ROBO1: variants seen among roughly 807,000 people sequenced by gnomAD.
The protein encoded by ROBO1 is roundabout guidance receptor 1.
Under a neutral mutation model 195.9 loss-of-function variants are expected in ROBO1, and 149 were observed. The ratio of observed to expected loss-of-function variants is 0.76; its 90% CI spans 0.67 to 0.87. ROBO1 has a LOEUF of 0.87. Ranked by LOEUF, ROBO1 falls within the 40% of genes least tolerant of loss-of-function variation. The pLI is 0.00. For missense variants in ROBO1, 1,933 were observed against 2,068.3 expected (o/e 0.93, Z 1.27); for synonymous variants, 816 against 733.2 (o/e 1.11, Z -1.82).
At chr3:78,746,184 T>C (rs980357798) in intron 5 of ROBO1, among the ~76,000 whole-genome samples, 4 of 152,302 alleles carry the variant, frequency 2.6e-5, no homozygotes, top group African/African-American at 7.2e-5. Context: ...TATAATTTCT[T>C]ACATCAGAGC....
chr3:78,743,784 G>A (rs1358864792), intron 5 of ROBO1, among the ~76,000 whole-genome samples: 1 of 152,092 alleles, frequency 6.6e-6, no homozygotes. Context: ...AGCTTCCTTG[G>A]TTGCAGAGTG....
intron 2 of ROBO1, among the ~76,000 whole-genome samples, chr3:79,190,516 C>T (rs181911244): frequency 1.3e-3 from 198 of 151,660 alleles, no homozygotes; most frequent in Non-Finnish European, 2.1e-3. Flanking sequence ...TACTCTTACT[C>T]GTTTCTGATG....
At chr3:79,565,191 T>C (rs1444711432) in intron 2 of ROBO1, among the ~76,000 whole-genome samples, 1 of 152,096 alleles carries the variant, frequency 6.6e-6, no homozygotes, top group African/African-American at 2.4e-5. Context: ...TTTCCTTCTC[T>C]ACCAACAACA....
At chr3:79,184,479 C>T (rs1235106832) in intron 2 of ROBO1, among the ~76,000 whole-genome samples, 1 of 152,082 alleles carries the variant, frequency 6.6e-6, no homozygotes, top group East Asian at 1.9e-4. Flanking sequence ...AAAGCTTGTG[C>T]TTTAGAGAAG....
intron 3 of ROBO1, among the ~76,000 whole-genome samples, chr3:79,087,968 T>C (rs1030223908): frequency 1.3e-5 from 2 of 152,090 alleles, no homozygotes; most frequent in Non-Finnish European, 2.9e-5. Context: ...TTAAAACTTA[T>C]TTACTTCGAT....
Position 79,497,061 on chromosome 3 carries a change from A to C in ROBO1, c.88+92763T>G, listed in dbSNP as rs561161555. ...TAGATTTTTTTAAAGTGTAAATATT[A>C]AAGAATCTGAGGAGAAGCAGAAGGT... On this transcript the variant is annotated intron_variant, in intron 2 of 30. Coordinates refer to ENST00000464233, the MANE Select transcript of ROBO1 (RefSeq NM_002941.4). Among the ~76,000 whole-genome samples, 3 of 152,308 alleles carry C rather than the reference A, an allele frequency of 2.0e-5. No individual in the cohort carries two copies. The South Asian group carries it at 6.2e-4, about 32-fold the overall frequency.
chr3:79,422,164 AT>A (rs1379809352), intron 2 of ROBO1, among the ~76,000 whole-genome samples: 3 of 148,300 alleles, frequency 2.0e-5, no homozygotes, highest in African/African-American at 7.3e-5. Flanking sequence ...TATACAATAC[AT>A]ATCTTATGTA....
chr3:79,400,739 G>C (rs764465080), intron 2 of ROBO1, among the ~76,000 whole-genome samples: 1 of 151,800 alleles, frequency 6.6e-6, no homozygotes, highest in African/African-American at 2.4e-5. Context: ...GGCTCTATTT[G>C]TTCTTTTTAA....
chr3:79,456,588 CA>C, intron 2 of ROBO1, among the ~76,000 whole-genome samples: 1 of 152,154 alleles, frequency 6.6e-6, no homozygotes, highest in African/African-American at 2.4e-5. Context: ...ACAGTGATTA[CA>C]AAAAATACAG....
At position 78,714,617 on chromosome 3, in the gene ROBO1, T is replaced by A. The variant is rs2081854750; in HGVS notation, c.918-93A>T. ...ACAATGCTTCAAAGCACATGCTACA[T>A]TCTTTTCTGATAACTTAAAACAAAG... is the stretch of plus-strand genomic sequence containing the variant. On this transcript the variant is annotated intron_variant, in intron 7 of 30. Coordinates refer to ENST00000464233, the MANE Select transcript of ROBO1 (RefSeq NM_002941.4). 2.6e-6 allele frequency: 3 copies of A among 1,134,774 alleles called. No individual in the cohort carries two copies. The South Asian group carries it at 6.6e-5, about 25-fold the overall frequency. The allele number at this position is 1,134,774 out of a possible 1,614,324, so 70.3% of individuals were successfully genotyped here.
intron 1 of ROBO1, among the ~76,000 whole-genome samples, chr3:79,674,310 G>A (rs1033669501): frequency 6.6e-6 from 1 of 151,852 alleles, no homozygotes; most frequent in African/African-American, 2.4e-5. Flanking sequence ...TGAAGAACAC[G>A]TGGCTGTTCT....
At chr3:78,888,410 A>G (rs2036688700) in intron 4 of ROBO1, among the ~76,000 whole-genome samples, 1 of 152,204 alleles carries the variant, frequency 6.6e-6, no homozygotes, top group South Asian at 2.1e-4. Flanking sequence ...AGCTACTACA[A>G]CAAAGCTACT....
intron 3 of ROBO1, among the ~76,000 whole-genome samples, chr3:79,119,041 C>T (rs184352849): frequency 3.3e-5 from 5 of 152,140 alleles, no homozygotes; most frequent in East Asian, 1.9e-4. Flanking sequence ...GTTTTCCACA[C>T]GGAAAATATT....
chr3:78,677,302 A>G (rs865909298), intron 10 of ROBO1, among the ~76,000 whole-genome samples: 1,688 of 152,266 alleles, frequency 0.011, 15 homozygotes, highest in Non-Finnish European at 0.017. Flanking sequence ...CATAATGACA[A>G]GATCAAATTC....
intron 3 of ROBO1, among the ~76,000 whole-genome samples, chr3:79,050,287 A>C (rs963342849): frequency 6.6e-6 from 1 of 152,188 alleles, no homozygotes; most frequent in Non-Finnish European, 1.5e-5. Flanking sequence ...AACAAAGATC[A>C]AAAGAGACAA....
intron 8 of ROBO1, among the ~76,000 whole-genome samples, chr3:78,701,659 A>C (rs1396051546): frequency 1.3e-5 from 2 of 152,220 alleles, no homozygotes; most frequent in African/African-American, 2.4e-5. Context: ...AATGACCTAA[A>C]AGGCACTGTG....
chr3:79,631,015 G>A (rs1469140746), intron 1 of ROBO1, among the ~76,000 whole-genome samples: 1 of 151,644 alleles, frequency 6.6e-6, no homozygotes, highest in East Asian at 1.9e-4. Flanking sequence ...TTTACTGATT[G>A]GAATAATCAA....
intron 1 of ROBO1, among the ~76,000 whole-genome samples, chr3:79,701,266 C>T (rs1947614663): frequency 6.6e-6 from 1 of 151,634 alleles, no homozygotes; most frequent in Non-Finnish European, 1.5e-5. Context: ...GCAATGCCTC[C>T]AGGTTTGTTC....
At chr3:78,971,318 G>C (rs2076760153) in intron 3 of ROBO1, among the ~76,000 whole-genome samples, 1 of 152,170 alleles carries the variant, frequency 6.6e-6, no homozygotes, top group South Asian at 2.1e-4. Context: ...AAGCCCGGGA[G>C]GCGGAGGTTG....
Sources: gnomAD v4.1 joint callset for allele counts (sites outside exome capture counted in the v4.1 genomes callset) on GRCh38, gnomAD v4.1.1 for gene constraint, MANE v1.5 for transcripts, NCBI Gene and HGNC (gene_info 2026-07-23, HGNC 2026-07-21) for gene names.